TRMT11: variants seen among roughly 807,000 people sequenced by gnomAD.
TRMT11 encodes the protein tRNA methyltransferase 11, also known as tRNA (guanine(10)-N(2))-methyltransferase TRMT11.
In TRMT11, 53 loss-of-function variants were observed where a neutral mutation model predicts 62.8. The observed-to-expected ratio is 0.84, with a 90% confidence interval of 0.68 to 1.06. TRMT11 has a LOEUF of 1.06. Among genes scored for constraint, TRMT11 ranks in the 50% least tolerant of loss-of-function variants. The pLI is 0.00. For synonymous variants in TRMT11, 188 were observed against 190.3 expected (o/e 0.99, Z 0.10); for missense variants, 556 against 553.4 (o/e 1.00, Z -0.05).
chr6:126,078,427 AT>A (rs1158230378), intron 17 of TRMT11, among the ~76,000 whole-genome samples: 3 of 148,852 alleles, frequency 2.0e-5, no homozygotes, highest in Non-Finnish European at 3.0e-5. Flanking sequence ...GGACTCAGGC[AT>A]TTTTTTTCTT....
At chr6:126,200,324 C>T (rs1254917803) in intron 3 of TRMT11, among the ~76,000 whole-genome samples, 2 of 152,192 alleles carry the variant, frequency 1.3e-5, no homozygotes, top group Admixed American at 6.5e-5. Context: ...AGGAAAGATA[C>T]ATTGGGTGCA....
chr6:126,242,874 GC>G, the TRMT11 span, among the ~76,000 whole-genome samples: 1 of 152,144 alleles, frequency 6.6e-6, no homozygotes, highest in African/African-American at 2.4e-5. Context: ...ATAGGCATGG[GC>G]AAGGACTTCA....
chr6:126,234,519 G>C, the TRMT11 span, among the ~76,000 whole-genome samples: 3 of 152,090 alleles, frequency 2.0e-5, no homozygotes, highest in Admixed American at 1.3e-4. Flanking sequence ...TGTCTTGACA[G>C]AGAACAGGCC....
intron 17 of TRMT11, among the ~76,000 whole-genome samples, chr6:126,090,241 A>G (rs1777259302): frequency 6.6e-6 from 1 of 152,218 alleles, no homozygotes; most frequent in South Asian, 2.1e-4. Flanking sequence ...TCTGATGAAG[A>G]GTGAAGCCTC....
the TRMT11 span, among the ~76,000 whole-genome samples, chr6:126,218,361 C>T: frequency 6.6e-6 from 1 of 152,228 alleles, no homozygotes; most frequent in Non-Finnish European, 1.5e-5. Context: ...CAGAGTCTCA[C>T]ACAAGGTTCA....
intron 17 of TRMT11, among the ~76,000 whole-genome samples, chr6:126,062,972 C>T (rs1220842124): frequency 1.3e-5 from 2 of 152,116 alleles, no homozygotes; most frequent in Admixed American, 1.3e-4. Flanking sequence ...CCTGTATCAT[C>T]AGTACTCTTC....
chr6:126,083,752 C>T (rs1223313336), intron 17 of TRMT11, among the ~76,000 whole-genome samples: 7 of 152,146 alleles, frequency 4.6e-5, no homozygotes, highest in Admixed American at 4.6e-4. Context: ...TACTCTGTAT[C>T]CTCTGAATTA....
the TRMT11 span, among the ~76,000 whole-genome samples, chr6:126,209,322 T>C: frequency 6.6e-6 from 1 of 152,188 alleles, no homozygotes; most frequent in South Asian, 2.1e-4. Context: ...TTTTATTATA[T>C]TTAGAAACTA....
At chr6:126,026,033 C>G (rs989591551) in intron 12 of TRMT11, among the ~76,000 whole-genome samples, 2 of 152,138 alleles carry the variant, frequency 1.3e-5, no homozygotes, top group Admixed American at 1.3e-4. Flanking sequence ...TTCTTGACAA[C>G]TGTATTAAAA....
chr6:126,047,042 C>G (rs1279732649), intron 16 of TRMT11, among the ~76,000 whole-genome samples: 1 of 151,904 alleles, frequency 6.6e-6, no homozygotes, highest in Non-Finnish European at 1.5e-5. Context: ...CAGAGGTGCC[C>G]TTGGAGTTTT....
chr6:126,017,910 G>A (rs542634809), intron 11 of TRMT11, among the ~76,000 whole-genome samples: 1 of 152,204 alleles, frequency 6.6e-6, no homozygotes, highest in Non-Finnish European at 1.5e-5. Flanking sequence ...TGTCATAGGA[G>A]CCAGTGTGCT....
rs747042795 is a variant in TRMT11 at position 125,998,046 on chromosome 6, T to G, written c.213-7T>G. On this transcript the variant is annotated splice_region_variant and splice_polypyrimidine_tract_variant and intron_variant, in intron 3 of 12. Transcript: ENST00000334379. ...ACTGAGGTTAGTACCAATCATTTAT[T>G]TCCTAGGTCTATATTTGAACTATGG... 71 of 1,601,562 alleles carry G rather than the reference T, an allele frequency of 4.4e-5. No homozygotes were observed. The highest frequency in any genetic ancestry group is 5.7e-5 in the Non-Finnish European group (67 of 1,169,792).
chr6:126,154,512 C>T (rs1357445623), intron 21 of TRMT11, among the ~76,000 whole-genome samples: 2 of 152,250 alleles, frequency 1.3e-5, no homozygotes, highest in East Asian at 3.9e-4. Flanking sequence ...TAGAATCTAA[C>T]TTATACTCTT....
At chr6:126,120,117 T>TA (rs905787413) in intron 21 of TRMT11, among the ~76,000 whole-genome samples, 8 of 151,662 alleles carry the variant, frequency 5.3e-5, no homozygotes, top group African/African-American at 1.5e-4. Context: ...CTACTAAAAA[T>TA]AAAAAAAATT....
At chr6:126,093,631 A>ATATATATATATATTTTTTTT (rs1554236842) in intron 17 of TRMT11, among the ~76,000 whole-genome samples, 2 of 98,014 alleles carry the variant, frequency 2.0e-5, no homozygotes, top group African/African-American at 4.4e-5. Context: ...ATATATATAT[A>ATATATATATATATTTTTTTT]TTTTCCCCCA....
intron 12 of TRMT11, among the ~76,000 whole-genome samples, chr6:126,036,189 C>T (rs1176511492): frequency 1.3e-5 from 2 of 152,058 alleles, no homozygotes; most frequent in Non-Finnish European, 2.9e-5. Flanking sequence ...TGACTGCATT[C>T]TGATTCCCCT....
At chr6:126,103,431 A>C (rs1035580372) in intron 17 of TRMT11, among the ~76,000 whole-genome samples, 10 of 152,216 alleles carry the variant, frequency 6.6e-5, no homozygotes, top group Admixed American at 2.0e-4. Flanking sequence ...AGTGGCTTAA[A>C]ACAACACACA....
At chr6:126,007,509 A>G (rs1793537204) in intron 7 of TRMT11, among the ~76,000 whole-genome samples, 1 of 152,002 alleles carries the variant, frequency 6.6e-6, no homozygotes, top group Non-Finnish European at 1.5e-5. Flanking sequence ...CAAGCACTAA[A>G]AGCATTTTAA....
intron 21 of TRMT11, among the ~76,000 whole-genome samples, chr6:126,127,353 G>A (rs972713298): frequency 6.6e-6 from 1 of 152,062 alleles, no homozygotes; most frequent in East Asian, 1.9e-4. Context: ...CTATCAAATT[G>A]TCACATGGAA....
Sources: allele counts gnomAD v4.1 joint callset (sites outside exome capture counted in the v4.1 genomes callset), GRCh38; gene constraint gnomAD v4.1.1; transcripts MANE v1.5; gene names NCBI Gene and HGNC (gene_info 2026-07-23, HGNC 2026-07-21).